SETD2: variants seen among roughly 807,000 people sequenced by gnomAD.
SETD2 encodes SET domain containing 2, histone lysine methyltransferase.
SETD2 carries 31 observed loss-of-function variants against 242.1 expected under a neutral mutation model. The observed-to-expected ratio is 0.13, with a 90% CI of 0.10 to 0.17. The LOEUF (loss-of-function observed/expected upper bound fraction) is 0.17, where lower values mean the gene tolerates loss of function less well. Ranked by LOEUF, SETD2 falls within the 10% of genes least tolerant of loss-of-function variation. SETD2 has a pLI of 1.00. For missense variants in SETD2, 2,481 were observed against 3,046.3 expected (o/e 0.81, Z 4.37); for synonymous variants, 1,006 against 1,066.5 (o/e 0.94, Z 1.11).
Position 47,122,265 on chromosome 3 carries a change from A to C in SETD2, c.2371T>G (p.Ser791Ala), listed in dbSNP as rs372386788. 1.9e-6 allele frequency: 3 copies of C among 1,614,132 alleles called. No homozygotes were observed. Among genetic ancestry groups the C allele is most frequent in the Non-Finnish European group, 2.5e-6 (3 of 1,179,982 alleles). ...TRVSCCKTKD[S>A]DIYCTLNDSN... ...TCGTTCAAAGTACAGTATATGTCTG[A>C]ATCTTTGGTTTTGCAGCAAGAAACC... The change falls in exon 3 of 21, where the codon TCA becomes GCA. Residue 791 changes from serine to alanine, a missense_variant. Ser to Ala is a moderately conservative substitution (Grantham distance 99). Around this residue, in one of 17 missense-constraint regions of SETD2, gnomAD observed 1,300 missense variants for 1,259.2 expected, o/e 1.03. Transcript: ENST00000409792.
intron 9 of SETD2, among the ~76,000 whole-genome samples, chr3:47,089,142 C>T (rs1232662195): frequency 6.6e-6 from 1 of 152,136 alleles, no homozygotes; most frequent in African/African-American, 2.4e-5. Flanking sequence ...ATGTGAAAAA[C>T]TGCTTTTAAA....
At chr3:47,128,918 T>A (rs1575827435) in intron 1 of SETD2, among the ~76,000 whole-genome samples, 1 of 152,220 alleles carries the variant, frequency 6.6e-6, no homozygotes, top group Non-Finnish European at 1.5e-5. Flanking sequence ...TACCAGGAGA[T>A]GTCCAACCAA....
rs762573485 is a variant in SETD2 at position 47,062,358 on chromosome 3, G to T, written c.6110-12C>A. ...TCCTCGTTCAGTTGCTAAGGGAAAA[G>T]GGTGGTTTGTTTGTTTTTTTTTTTT... On this transcript the variant is annotated splice_polypyrimidine_tract_variant and intron_variant, in intron 13 of 20. Transcript: ENST00000409792. 2 of 1,532,826 alleles carry T rather than the reference G, an allele frequency of 1.3e-6. No homozygotes were observed. The highest frequency in any genetic ancestry group is 2.3e-5 in the Admixed American group (1 of 43,704). 95.0% of individuals were successfully genotyped at this position (1,532,826 alleles called of 1,614,324 possible). A position where few individuals can be genotyped will look rare whatever the true frequency, so the allele number is the denominator to read the frequency against.
intron 16 of SETD2, among the ~76,000 whole-genome samples, chr3:47,043,162 GA>G (rs2039363898): frequency 6.6e-6 from 1 of 151,854 alleles, no homozygotes; most frequent in Admixed American, 6.6e-5. Context: ...GCCACATTCT[GA>G]AAAACATAAA....
chr3:47,066,221 T>C (rs992888777), intron 13 of SETD2, among the ~76,000 whole-genome samples: 3 of 152,228 alleles, frequency 2.0e-5, no homozygotes, highest in Non-Finnish European at 4.4e-5. Context: ...AAGAATACAG[T>C]TACATAATAC....
Position 47,123,351 on chromosome 3 carries a change from CATA to C in SETD2, c.1282_1284del (p.Tyr428del). On this transcript the variant is annotated inframe_deletion, in exon 3 of 21. Coordinates refer to ENST00000409792, the MANE Select transcript of SETD2 (RefSeq NM_014159.7). ...CTCCTATGGTAGCGACGATCAGAGT[CATA>C]ATAATGAGATCGTTCTGACCTGGAA... 6.4e-7 allele frequency: 1 copy of C among 1,551,658 alleles called. No individual in the cohort carries two copies.
intron 6 of SETD2, among the ~76,000 whole-genome samples, chr3:47,105,491 T>C (rs1247842395): frequency 6.6e-6 from 1 of 152,088 alleles, no homozygotes; most frequent in African/African-American, 2.4e-5. Context: ...CGTTTATCTT[T>C]ACATATATAT....
intron 12 of SETD2, among the ~76,000 whole-genome samples, chr3:47,072,125 G>A (rs965410298): frequency 6.6e-6 from 1 of 151,856 alleles, no homozygotes; most frequent in Non-Finnish European, 1.5e-5. Context: ...TGGCTAACAC[G>A]GTGAAACCCC....
chr3:47,144,763 T>C (rs943011862), intron 1 of SETD2, among the ~76,000 whole-genome samples: 24 of 151,990 alleles, frequency 1.6e-4, no homozygotes, highest in African/African-American at 5.6e-4. Context: ...AGGCCAGTAG[T>C]TCATGCCAAC....
At chr3:47,095,688 T>G (rs2041978445) in intron 9 of SETD2, among the ~76,000 whole-genome samples, 1 of 150,630 alleles carries the variant, frequency 6.6e-6, no homozygotes, top group Non-Finnish European at 1.5e-5. Flanking sequence ...ACTTTGAAAT[T>G]AATAGCAAAA....
At chr3:47,107,113 C>T (rs2042457668) in intron 5 of SETD2, among the ~76,000 whole-genome samples, 1 of 152,100 alleles carries the variant, frequency 6.6e-6, no homozygotes, top group African/African-American at 2.4e-5. Flanking sequence ...TCTCTAAAAG[C>T]TCATTCTAAC....
chr3:47,117,285 C>CA (rs1191196844), intron 3 of SETD2, among the ~76,000 whole-genome samples: 97 of 24,814 alleles, frequency 3.9e-3, no homozygotes, highest in East Asian at 7.0e-3. Context: ...AAAAAACAAA[C>CA]AAAAAAAAAA....
Position 47,087,992 on chromosome 3 carries a change from CAAATAAAT to C in SETD2, c.5277+113_5277+120del, listed in dbSNP as rs200217216. ...ACAAACAAACAAACAAACAAACAAACAAATAAATAAATAAATAAAATAAGACTAACTCT... is the reference window on the plus strand; with the variant it reads ...ACAAACAAACAAACAAACAAACAAACAAATAAATAAAATAAGACTAACTCT... On this transcript the variant is annotated intron_variant, in intron 10 of 20. Transcript: ENST00000409792. The C allele has an allele frequency of 3.8e-5, 20 of 530,398 alleles. No individual in the cohort carries two copies. The East Asian group carries it at 6.1e-4, about 16-fold the overall frequency. The allele number at this position is 530,398 out of a possible 1,614,324, so 32.9% of individuals were successfully genotyped here. A position where few individuals can be genotyped will look rare whatever the true frequency, so the allele number is the denominator to read the frequency against.
chr3:47,106,083 C>A lies in SETD2; in HGVS notation c.4753G>T (p.Asp1585Tyr), dbSNP rs1359363019. The change falls in exon 6 of 21, where the codon GAT becomes TAT. Residue 1585 changes from aspartate (D) to tyrosine (Y), a missense_variant. By Grantham distance (160) the Asp-to-Tyr change is radical. Around this residue, in one of 17 missense-constraint regions of SETD2, gnomAD observed 61 missense variants for 221.4 expected, o/e 0.28. Transcript: ENST00000409792. ...FVLEYCGEVLDHKEFKARVKE... is the reference protein window; with the variant it reads ...FVLEYCGEVLYHKEFKARVKE... Reference sequence around the variant, plus strand: ...ACTCGAGCTTTAAACTCTTTATGATCGAGTACCTCTCCACAATATTCTAGG... The same window carrying A: ...ACTCGAGCTTTAAACTCTTTATGATAGAGTACCTCTCCACAATATTCTAGG... 1 of 1,613,462 alleles carries A rather than the reference C, an allele frequency of 6.2e-7. No homozygotes were observed. Among genetic ancestry groups the A allele is most frequent in the Non-Finnish European group, 8.5e-7 (1 of 1,179,792 alleles).
chr3:47,050,304 A>AAC (rs1208642833), intron 15 of SETD2, among the ~76,000 whole-genome samples: 4 of 152,126 alleles, frequency 2.6e-5, no homozygotes, highest in Non-Finnish European at 4.4e-5. Flanking sequence ...CTAAGATATA[A>AAC]ACACACACAC....
chr3:47,025,040 C>CCT (rs2038410444), intron 18 of SETD2, among the ~76,000 whole-genome samples: 1 of 152,178 alleles, frequency 6.6e-6, no homozygotes, highest in Non-Finnish European at 1.5e-5. Context: ...CCATTATATG[C>CCT]CTTCCCTATG....
rs776056138 is a variant in SETD2 at position 47,046,477 on chromosome 3, C to G, written c.7098+10G>C. 6.3e-7 allele frequency: 1 copy of G among 1,583,096 alleles called. No individual in the cohort carries two copies. The highest frequency in any genetic ancestry group is 1.4e-5 in the African/African-American group (1 of 74,002). On this transcript the variant is annotated intron_variant, in intron 16 of 20. Transcript: ENST00000409792. ...AGCCAATGAGTTTTAACAACTGAAA[C>G]ATTTCTTACTGGCTGCAAGGGCTGA...
chr3:47,153,903 A>T (rs1015456444), intron 1 of SETD2, among the ~76,000 whole-genome samples: 4 of 152,200 alleles, frequency 2.6e-5, no homozygotes, highest in Non-Finnish European at 5.9e-5. Context: ...CAGATTTTTT[A>T]AAAAACTCTA....
At chr3:47,149,364 G>T (rs923928787) in intron 1 of SETD2, among the ~76,000 whole-genome samples, 4 of 151,790 alleles carry the variant, frequency 2.6e-5, no homozygotes, top group African/African-American at 9.7e-5. Context: ...CACACTCATG[G>T]CAAGTCACAA....
Sources: allele counts gnomAD v4.1 joint callset (sites outside exome capture counted in the v4.1 genomes callset), GRCh38; gene constraint gnomAD v4.1.1; regional missense constraint gnomAD v4.1.1; transcripts MANE v1.5; gene names NCBI Gene and HGNC (gene_info 2026-07-23, HGNC 2026-07-21).